Variants in STEAP4 observed in about 807,000 individuals in gnomAD.
The protein encoded by STEAP4 is STEAP4 metalloreductase, also known as metalloreductase STEAP4.
Under a neutral mutation model 43.6 loss-of-function variants are expected in STEAP4, and 36 were observed. The observed-to-expected ratio is 0.83, with a 90% CI of 0.63 to 1.09. STEAP4 has a LOEUF of 1.09. Among genes scored for constraint, STEAP4 ranks in the 50% least tolerant of loss-of-function variants. The pLI is 0.00. For missense variants in STEAP4, 495 were observed against 546.5 expected, an observed-to-expected ratio of 0.91 and a Z score of 0.94; for synonymous variants, 191 against 196.7, an observed-to-expected ratio of 0.97 and a Z score of 0.24.
intron 1 of STEAP4, among the ~76,000 whole-genome samples, chr7:88,295,909 C>T (rs530968504): frequency 1.3e-5 from 2 of 152,246 alleles, no homozygotes; most frequent in South Asian, 2.1e-4. Flanking sequence ...ACCTTCCTTA[C>T]AATTTTTTCC....
At chr7:88,295,062 T>G (rs1852903179) in intron 1 of STEAP4, among the ~76,000 whole-genome samples, 1 of 152,106 alleles carries the variant, frequency 6.6e-6, no homozygotes, top group Non-Finnish European at 1.5e-5. Flanking sequence ...AGGTAATCAT[T>G]ATAAAAACAA....
At chr7:88,281,744 T>C (rs1207511355) in intron 3 of STEAP4, 1 of 152,216 alleles carries the variant, frequency 6.6e-6, no homozygotes, top group African/African-American at 2.4e-5. Flanking sequence ...TAAAACTCCT[T>C]CAGCTGATTC....
chr7:88,304,275 T>A (rs1250106105), intron 1 of STEAP4: 3 of 152,104 alleles, frequency 2.0e-5, no homozygotes, highest in African/African-American at 7.2e-5. Flanking sequence ...GCATGGCACA[T>A]GTATACATAT....
intron 1 of STEAP4, among the ~76,000 whole-genome samples, chr7:88,297,255 G>A (rs1852938513): frequency 6.6e-6 from 1 of 152,126 alleles, no homozygotes; most frequent in Non-Finnish European, 1.5e-5. Flanking sequence ...ACTGATCTCT[G>A]AATTTGTGTG....
chr7:88,303,221 C>T (rs1262271476), intron 1 of STEAP4, among the ~76,000 whole-genome samples: 1 of 147,700 alleles, frequency 6.8e-6, no homozygotes, highest in Admixed American at 6.8e-5. Flanking sequence ...TCCAACCGGG[C>T]GCGGTGGCTC....
Position 88,282,597 on chromosome 7 carries a change from C to T in STEAP4, c.984+44G>A, listed in dbSNP as rs755754109. 8.3e-5 allele frequency: 127 copies of T among 1,536,698 alleles called. 2 individuals are homozygous for T. In the South Asian group the frequency reaches 1.5e-3, roughly 18 times the overall value. On this transcript the variant is annotated intron_variant, in intron 3 of 4. Coordinates refer to ENST00000380079, the MANE Select transcript of STEAP4 (RefSeq NM_024636.4). ...AAATGGAATATGATGTAGCAATAGT[C>T]TCTGATTTCAGGAGCAGAAGAAAAT...
At chr7:88,287,594 C>A (rs1489723051) in intron 1 of STEAP4, among the ~76,000 whole-genome samples, 1 of 152,094 alleles carries the variant, frequency 6.6e-6, no homozygotes, top group Non-Finnish European at 1.5e-5. Flanking sequence ...GTGGGAAGTG[C>A]TGATTGGTCA....
At position 88,279,533 on chromosome 7, in the gene STEAP4, A is replaced by G. The variant is rs1715615816; in HGVS notation, c.1245T>C (p.Tyr415=). 7 of 1,614,164 alleles carry G rather than the reference A, an allele frequency of 4.3e-6. No homozygotes were observed. The highest frequency in any genetic ancestry group is 5.1e-6 in the Non-Finnish European group (6 of 1,180,010). ...GCCCTAACACGTAGGCTGCAGGAAGATACCATCTGAGATTTGAAGGGCTGA... is the reference window on the plus strand; with the variant it reads ...GCCCTAACACGTAGGCTGCAGGAAGGTACCATCTGAGATTTGAAGGGCTGA... ...RFLSPSNLRW[Y]LPAAYVLGLI... is the part of the protein sequence containing the mutation. The change falls in exon 5 of 5, where the codon TAT becomes TAC. Residue 415 remains tyrosine (Y), a synonymous_variant. Coordinates refer to ENST00000380079, the MANE Select transcript of STEAP4 (RefSeq NM_024636.4).
intron 2 of STEAP4, 89 bp from the exon 3 acceptor site, chr7:88,283,257 A>T (rs1452204826): frequency 3.0e-6 from 4 of 1,323,260 alleles, no homozygotes; most frequent in Non-Finnish European, 4.0e-6. Context: ...ACCATGCCAA[A>T]TGATGACGTA....
At chr7:88,286,600 T>A (rs1305847649) in intron 1 of STEAP4, among the ~76,000 whole-genome samples, 1 of 152,190 alleles carries the variant, frequency 6.6e-6, no homozygotes, top group Non-Finnish European at 1.5e-5. Flanking sequence ...TAGTCCCAGC[T>A]ACTCTGAGGC....
intron 1 of STEAP4, 48 bp from the exon 2 acceptor site, chr7:88,284,319 C>T (rs779174603): frequency 7.6e-6 from 10 of 1,322,098 alleles, no homozygotes; most frequent in Admixed American, 2.3e-5. Context: ...ATGCTCTGTG[C>T]CTGGAAAATT....
chr7:88,285,356 A>T (rs10282642), intron 1 of STEAP4, among the ~76,000 whole-genome samples: 23,407 of 152,188 alleles, frequency 0.15, 1,989 homozygotes, highest in Non-Finnish European at 0.2. Context: ...CTTATATAAA[A>T]GAAAATGTAC....
At position 88,275,600 on chromosome 7, in the gene STEAP4, G is replaced by GT. The variant is rs1852501884; in HGVS notation, c.*3797_*3798insA. On this transcript the variant is annotated 3_prime_UTR_variant, in exon 5 of 5. Transcript: ENST00000380079. ...TAAGGCTATCTGTGGGCTCTCATGGGGTGTGTGTGTGTGTGTGTGTGTGTG... is the reference window on the plus strand; with the variant it reads ...TAAGGCTATCTGTGGGCTCTCATGGGTGTGTGTGTGTGTGTGTGTGTGTGTG... 3 of 144,960 alleles carry GT rather than the reference G, an allele frequency of 2.1e-5. No individual in the cohort carries two copies. The highest frequency in any genetic ancestry group is 4.6e-5 in the Non-Finnish European group (3 of 65,776). 9.0% of individuals were successfully genotyped at this position (144,960 alleles called of 1,614,324 possible).
At position 88,276,416 on chromosome 7, in the gene STEAP4, C is replaced by G. The variant is rs531938095; in HGVS notation, c.*2982G>C. 4.6e-5 allele frequency: 7 copies of G among 152,186 alleles called. No individual in the cohort carries two copies. In the South Asian group the frequency reaches 1.0e-3, roughly 23 times the overall value. The allele number at this position is 152,186 out of a possible 1,614,324, so 9.4% of individuals were successfully genotyped here. A position where few individuals can be genotyped will look rare whatever the true frequency, so the allele number is the denominator to read the frequency against. On this transcript the variant is annotated 3_prime_UTR_variant, in exon 5 of 5. Coordinates refer to ENST00000380079, the MANE Select transcript of STEAP4 (RefSeq NM_024636.4). ...CTGATGAGTTAAAACCAGAATTAAA[C>G]AAAACTAGGAAATATTTTTAAAGTA...
chr7:88,294,801 A>C (rs1369397332), intron 1 of STEAP4, among the ~76,000 whole-genome samples: 2 of 152,152 alleles, frequency 1.3e-5, no homozygotes, highest in Non-Finnish European at 2.9e-5. Context: ...AGAAAAAGAA[A>C]AGGCAAGAAA....
At chr7:88,296,472 G>C (rs139182971) in intron 1 of STEAP4, among the ~76,000 whole-genome samples, 1 of 152,122 alleles carries the variant, frequency 6.6e-6, no homozygotes, top group African/African-American at 2.4e-5. Context: ...GCTGTAAATA[G>C]GAGGGTTTTT....
At chr7:88,288,606 A>G (rs2115980153) in intron 1 of STEAP4, among the ~76,000 whole-genome samples, 1 of 152,360 alleles carries the variant, frequency 6.6e-6, no homozygotes, top group East Asian at 1.9e-4. Context: ...ATGTGATTGC[A>G]TAAAAATAAA....
rs1039852218 is a variant in STEAP4, at chr7:88,271,300, T to A, written c.*8098A>T. The A allele has an allele frequency of 7.9e-5, 12 of 152,222 alleles. No individual in the cohort carries two copies. The highest frequency in any genetic ancestry group is 5.9e-4 in the Admixed American group (9 of 15,276). The allele number at this position is 152,222 out of a possible 1,614,324, so 9.4% of individuals were successfully genotyped here. On this transcript the variant is annotated 3_prime_UTR_variant, in exon 5 of 5. Coordinates refer to ENST00000380079, the MANE Select transcript of STEAP4 (RefSeq NM_024636.4). Reference sequence around the variant, plus strand: ...AAGGTCTACAGTGCTTCTACTCCTGTCACTACTCCTCTGTTCTCCCATCTT... The same window carrying A: ...AAGGTCTACAGTGCTTCTACTCCTGACACTACTCCTCTGTTCTCCCATCTT...
chr7:88,273,282 G>A lies in STEAP4; in HGVS notation c.*6116C>T, dbSNP rs1341641568. The A allele has an allele frequency of 6.6e-6, 1 of 152,132 alleles. No individual in the cohort carries two copies. The highest frequency in any genetic ancestry group is 1.9e-4 in the East Asian group (1 of 5,196). 9.4% of individuals were successfully genotyped at this position (152,132 alleles called of 1,614,324 possible). ...CATCTCTATCTTAGCATGAAAGAAA[G>A]GATTAGTAAAAATGAAATGAATACA... On this transcript the variant is annotated 3_prime_UTR_variant, in exon 5 of 5. Coordinates refer to ENST00000380079, the MANE Select transcript of STEAP4 (RefSeq NM_024636.4).
Sources: gnomAD v4.1 joint callset for allele counts (sites outside exome capture counted in the v4.1 genomes callset) on GRCh38, gnomAD v4.1.1 for gene constraint, MANE v1.5 for transcripts, NCBI Gene and HGNC (gene_info 2026-07-23, HGNC 2026-07-21) for gene names.